ROBO2: variants seen among roughly 807,000 people sequenced by gnomAD.
ROBO2 encodes the protein roundabout homolog 2.
In ROBO2, 53 loss-of-function variants were observed where a neutral mutation model predicts 160.8. The observed-to-expected ratio is 0.33, with a 90% CI of 0.26 to 0.41. ROBO2 has a LOEUF of 0.41. Among genes scored for constraint, ROBO2 ranks in the 10% least tolerant of loss-of-function variants. The probability of loss-of-function intolerance (pLI) is 1.00; values close to 1 mark genes in which losing one functional copy is unlikely to be tolerated. For synonymous variants in ROBO2, 664 were observed against 611.7 expected, an observed-to-expected ratio of 1.09 and a Z score of -1.26; for missense variants, 1,577 against 1,722.4, an observed-to-expected ratio of 0.92 and a Z score of 1.49.
At chr3:76,296,059 A>G (rs903146934) in intron 2 of ROBO2, among the ~76,000 whole-genome samples, 7 of 152,224 alleles carry the variant, frequency 4.6e-5, no homozygotes, top group Admixed American at 3.9e-4. Flanking sequence ...CTTATTTGGA[A>G]GAAGGATAGT....
chr3:77,239,115 A>ACTT (rs1352174411), intron 2 of ROBO2, among the ~76,000 whole-genome samples: 1 of 152,070 alleles, frequency 6.6e-6, no homozygotes, highest in African/African-American at 2.4e-5. Context: ...GGTCTCGCTG[A>ACTT]CTTCAAGAAT....
In ROBO2 at chr3:77,179,120, A is replaced by AT. The variant is rs148797226; in HGVS notation, c.388+80789dup. On this transcript the variant is annotated intron_variant, in intron 2 of 25. Coordinates refer to ENST00000461745, the Ensembl canonical transcript of ROBO2. ...TTAGAAACACTGAAAATGAAAGGCTATTTTTTTTTAAAAATCTGTCTTTTC... is the reference window on the plus strand; with the variant it reads ...TTAGAAACACTGAAAATGAAAGGCTATTTTTTTTTTAAAAATCTGTCTTTTC... 9.1e-3 allele frequency among the ~76,000 whole-genome samples: 1,378 copies of AT among 151,504 alleles called. 31 individuals are homozygous for AT. The highest frequency in any genetic ancestry group is 0.08 in the East Asian group (410 of 5,146).
intron 2 of ROBO2, among the ~76,000 whole-genome samples, chr3:76,124,020 T>A (rs2070861332): frequency 6.6e-6 from 1 of 152,142 alleles, no homozygotes; most frequent in Non-Finnish European, 1.5e-5. Context: ...AGGAAAGTAA[T>A]CACTAACTTC....
chr3:75,924,939 C>T (rs946889716), intron 1 of ROBO2, among the ~76,000 whole-genome samples: 4 of 151,776 alleles, frequency 2.6e-5, no homozygotes, highest in Non-Finnish European at 5.9e-5. Flanking sequence ...CCGCCCGCCT[C>T]GGCCTCCCAA....
At chr3:77,021,036 C>A (rs953977773) in intron 2 of ROBO2, among the ~76,000 whole-genome samples, 4 of 151,912 alleles carry the variant, frequency 2.6e-5, no homozygotes, top group African/African-American at 9.7e-5. Flanking sequence ...GAGACCTCAT[C>A]TCTATGAAAT....
chr3:76,613,585 G>T (rs1343359846), intron 2 of ROBO2, among the ~76,000 whole-genome samples: 1 of 150,790 alleles, frequency 6.6e-6, no homozygotes, highest in Non-Finnish European at 1.5e-5. Context: ...CTCCCTAAGT[G>T]CAGAGAGAAG....
chr3:76,878,708 G>A (rs947173091), intron 2 of ROBO2, among the ~76,000 whole-genome samples: 5 of 152,088 alleles, frequency 3.3e-5, no homozygotes, highest in African/African-American at 1.2e-4. Context: ...AAGTAGCCTA[G>A]TTCTTCATTT....
intron 2 of ROBO2, among the ~76,000 whole-genome samples, chr3:77,447,495 G>T (rs1020829950): frequency 3.9e-5 from 6 of 152,004 alleles, no homozygotes; most frequent in Non-Finnish European, 7.4e-5. Context: ...ATAGGCTTTT[G>T]GTTAGTACTA....
At chr3:76,907,933 G>A (rs1343921781) in intron 2 of ROBO2, among the ~76,000 whole-genome samples, 9 of 151,600 alleles carry the variant, frequency 5.9e-5, no homozygotes, top group Non-Finnish European at 1.3e-4. Context: ...TCCACCTCCC[G>A]GGTTCAAGCA....
At chr3:76,379,375 TA>T (rs2076509530) in intron 2 of ROBO2, among the ~76,000 whole-genome samples, 2 of 152,102 alleles carry the variant, frequency 1.3e-5, no homozygotes, top group African/African-American at 2.4e-5. Context: ...ATTTTTAACA[TA>T]AAAAATAGCT....
chr3:77,624,635 T>C (rs1300961273), intron 23 of ROBO2, among the ~76,000 whole-genome samples: 1 of 152,230 alleles, frequency 6.6e-6, no homozygotes, highest in Non-Finnish European at 1.5e-5. Context: ...ATTATTTCTA[T>C]GAGCTTTTTA....
intron 2 of ROBO2, among the ~76,000 whole-genome samples, chr3:76,327,103 A>AT (rs2107969661): frequency 6.6e-6 from 1 of 152,258 alleles, no homozygotes; most frequent in East Asian, 1.9e-4. Context: ...AGATATAATC[A>AT]TTTTAAGGCT....
At chr3:75,907,209 G>A (rs1039246697) in intron 1 of ROBO2, among the ~76,000 whole-genome samples, 3 of 152,164 alleles carry the variant, frequency 2.0e-5, no homozygotes, top group Non-Finnish European at 4.4e-5. Flanking sequence ...CCAAAGGCAC[G>A]CGTTATATAT....
chr3:75,942,257 T>C (rs1948092330), intron 2 of ROBO2, among the ~76,000 whole-genome samples: 1 of 152,090 alleles, frequency 6.6e-6, no homozygotes, highest in Non-Finnish European at 1.5e-5. Context: ...GAGTTTATGT[T>C]TTGTGAGGTT....
At chr3:76,943,755 G>T (rs1394026272) in intron 2 of ROBO2, among the ~76,000 whole-genome samples, 6 of 152,036 alleles carry the variant, frequency 3.9e-5, no homozygotes, top group Admixed American at 3.9e-4. Context: ...CCAAGGTTTA[G>T]GTTAGTTTTC....
chr3:77,319,453 G>T (rs71322791), intron 2 of ROBO2, among the ~76,000 whole-genome samples: 14,741 of 152,068 alleles, frequency 0.097, 932 homozygotes, highest in East Asian at 0.34. Flanking sequence ...TAACCCAATT[G>T]CTCATGCTGA....
chr3:77,557,883 T>C, intron 8 of ROBO2, 61 bp from the exon 10 acceptor site: 1 of 1,325,224 alleles, frequency 7.5e-7, no homozygotes, highest in South Asian at 1.2e-5. Context: ...TCAGTGTCAA[T>C]ATATCAAGCC....
chr3:76,780,199 G>T (rs1453934934), intron 2 of ROBO2, among the ~76,000 whole-genome samples: 303 of 148,682 alleles, frequency 2.0e-3, no homozygotes, highest in Non-Finnish European at 2.5e-3. Flanking sequence ...TTTTTTTTTT[G>T]TTTGTTTGTT....
chr3:76,179,708 T>G (rs1374524112), intron 2 of ROBO2, among the ~76,000 whole-genome samples: 1 of 152,148 alleles, frequency 6.6e-6, no homozygotes, highest in African/African-American at 2.4e-5. Context: ...TAGATCTGAT[T>G]TAGGCATTCT....
Sources: gnomAD v4.1 joint callset for allele counts (sites outside exome capture counted in the v4.1 genomes callset) on GRCh38, gnomAD v4.1.1 for gene constraint, MANE v1.5 for transcripts, NCBI Gene and HGNC (gene_info 2026-07-23, HGNC 2026-07-21) for gene names.